PBK: variants seen among roughly 807,000 people sequenced by gnomAD.
The protein encoded by PBK is lymphokine-activated killer T-cell-originated protein kinase.
PBK carries 22 observed loss-of-function variants against 33.5 expected under a neutral mutation model. The ratio of observed to expected loss-of-function variants is 0.66; its 90% confidence interval spans 0.47 to 0.94. The LOEUF (loss-of-function observed/expected upper bound fraction) is 0.94, where lower values mean the gene tolerates loss of function less well. PBK is among the 40% of genes least tolerant of loss of function. The probability of loss-of-function intolerance (pLI) is 0.00; values close to 1 mark genes in which losing one functional copy is unlikely to be tolerated. For synonymous variants in PBK, 129 were observed against 123.8 expected (o/e 1.04, Z -0.28); for missense variants, 376 against 383.4 (o/e 0.98, Z 0.16).
At chr8:27,832,989 T>C (rs2128965912) in intron 2 of PBK, 67 bp downstream of exon 2, 1 of 879,940 alleles carries the variant, frequency 1.1e-6, no homozygotes, top group Non-Finnish European at 1.8e-6. Context: ...TCAAACTAAA[T>C]AATACTAGGA....
chr8:27,835,944 CTGTTCGAGCACATACCAT>C (rs1213759460), intron 1 of PBK, among the ~76,000 whole-genome samples: 1 of 1,432 alleles, frequency 7.0e-4, no homozygotes, highest in African/African-American at 1.6e-3. Flanking sequence ...TAACAGTGCA[CTGTTCGAGCACATACCAT>C]GTGCTCTAAC....
chr8:27,813,683 A>ATTG (rs79174119), intron 6 of PBK, among the ~76,000 whole-genome samples: 23,843 of 152,028 alleles, frequency 0.16, 2,355 homozygotes, highest in East Asian at 0.36. Context: ...AGTGTACAGT[A>ATTG]TTAACAAAGG....
At chr8:27,831,982 T>TA (rs1309601998) in intron 2 of PBK, among the ~76,000 whole-genome samples, 2 of 152,018 alleles carry the variant, frequency 1.3e-5, no homozygotes, top group Non-Finnish European at 2.9e-5. Flanking sequence ...ATATTTCTAT[T>TA]AAAAAAAGAG....
At position 27,810,954 on chromosome 8, in the gene PBK, A is replaced by C. The variant is rs1221870003; in HGVS notation, c.772+4T>G. On this transcript the variant is annotated splice_donor_region_variant and intron_variant, in intron 7 of 7. Transcript: ENST00000301905. The stretch of plus-strand genomic sequence containing the variant: ...GGGATTTATGTTAGAAATTGTATTC[A>C]TACCTTCATCATCATCATCATTTGA... The C allele has an allele frequency of 6.5e-7, 1 of 1,532,608 alleles. No homozygotes were observed. The highest frequency in any genetic ancestry group is 1.7e-5 in the Admixed American group (1 of 59,820). The allele number at this position is 1,532,608 out of a possible 1,614,324, so 94.9% of individuals were successfully genotyped here. A position where few individuals can be genotyped will look rare whatever the true frequency, so the allele number is the denominator to read the frequency against.
chr8:27,811,285 G>T, intron 6 of PBK, 151 bp from the exon 7 acceptor site: 1 of 661,210 alleles, frequency 1.5e-6, no homozygotes, highest in Non-Finnish European at 2.7e-6. Context: ...CCTCAATAAG[G>T]ATTACTTTCT....
Position 27,810,455 on chromosome 8 carries a change from T to A in PBK, c.819A>T (p.Ala273=). 1 of 1,608,040 alleles carries A rather than the reference T, an allele frequency of 6.2e-7. No individual in the cohort carries two copies. The highest frequency in any genetic ancestry group is 8.5e-7 in the Non-Finnish European group (1 of 1,175,290). The change falls in exon 8 of 8, where the codon GCA becomes GCT. Residue 273 remains alanine, a synonymous_variant. Transcript: ENST00000301905. ...TAATAGGTGGCCTAGTTCCCAACGC[T>A]GCATAGTATGCTTCATCATCAAAAT... ...ESDFDDEAYY[A]ALGTRPPINM...
At chr8:27,829,360 T>C (rs1460013489) in intron 2 of PBK, among the ~76,000 whole-genome samples, 1 of 152,140 alleles carries the variant, frequency 6.6e-6, no homozygotes, top group Non-Finnish European at 1.5e-5. Context: ...AGCTAAAGTT[T>C]AGCCCCAGAT....
intron 1 of PBK, among the ~76,000 whole-genome samples, chr8:27,837,380 A>G (rs563840786): frequency 1.3e-5 from 2 of 152,170 alleles, no homozygotes; most frequent in African/African-American, 4.8e-5. Context: ...GTAAAGGAGA[A>G]AAGAGAAACA....
chr8:27,824,503 ATG>A lies in PBK; in HGVS notation c.153-1300_153-1299del, dbSNP rs201563046. ...AAACTACAGATACAAGAGAAAAAAT[ATG>A]TAAGTAAATAAAATCTTTATGCAAT... On this transcript the variant is annotated intron_variant, in intron 3 of 7. Coordinates refer to ENST00000301905, the MANE Select transcript of PBK (RefSeq NM_018492.4). 7.6e-3 allele frequency among the ~76,000 whole-genome samples: 1,154 copies of A among 152,274 alleles called. 13 individuals are homozygous for A. The highest frequency in any genetic ancestry group is 0.026 in the African/African-American group (1,088 of 41,566).
intron 2 of PBK, among the ~76,000 whole-genome samples, chr8:27,832,515 AAAGCTAATAG>A (rs1227746528): frequency 1.3e-5 from 2 of 152,252 alleles, no homozygotes; most frequent in Non-Finnish European, 2.9e-5. Context: ...AATCTATTAA[AAAGCTAATAG>A]AATAAGTGAG....
chr8:27,823,125 T>G lies in PBK; in HGVS notation c.233A>C (p.Tyr78Ser). 1 of 1,574,994 alleles carries G rather than the reference T, an allele frequency of 6.3e-7. No individual in the cohort carries two copies. Among genetic ancestry groups the G allele is most frequent in the South Asian group, 1.1e-5 (1 of 89,752 alleles). The change falls in exon 4 of 8, where the codon TAT becomes TCT. Residue 78 changes from tyrosine (Y) to serine (S), a missense_variant. Physicochemically the swap from Tyr to Ser is moderately radical, Grantham distance 144. Coordinates refer to ENST00000301905, the MANE Select transcript of PBK (RefSeq NM_018492.4). ...AGCTTCATCCATTAGTCTCTTTTGA[T>G]ACACACTTCGATAATGATCATTACA... ...PICNDHYRSV[Y>S]QKRLMDEAKI...
chr8:27,822,796 T>A (rs1805955210), intron 4 of PBK, among the ~76,000 whole-genome samples: 1 of 152,192 alleles, frequency 6.6e-6, no homozygotes, highest in Non-Finnish European at 1.5e-5. Flanking sequence ...TTAAATTATC[T>A]AAATGAAGAT....
At chr8:27,831,010 A>T (rs1415220802) in intron 2 of PBK, among the ~76,000 whole-genome samples, 1 of 152,198 alleles carries the variant, frequency 6.6e-6, no homozygotes, top group African/African-American at 2.4e-5. Context: ...GTATAAATTC[A>T]TCAAAAGAAA....
intron 2 of PBK, among the ~76,000 whole-genome samples, chr8:27,832,164 T>G (rs10112803): frequency 0.13 from 19,842 of 152,122 alleles, 1,542 homozygotes; most frequent in East Asian, 0.34. Context: ...AAGTTCAGTT[T>G]AACACTTGAA....
intron 5 of PBK, among the ~76,000 whole-genome samples, chr8:27,821,667 T>C (rs1363584342): frequency 6.6e-6 from 1 of 152,250 alleles, no homozygotes; most frequent in Non-Finnish European, 1.5e-5. Flanking sequence ...ACATACTTTA[T>C]ATCAGAAGAT....
At position 27,833,093 on chromosome 8, in the gene PBK, G is replaced by A; in HGVS notation, c.21C>T (p.Phe7=). Residue 7 remains phenylalanine (F), a synonymous_variant, in exon 2 of 8, where the codon TTC becomes TTT. Coordinates refer to ENST00000301905, the MANE Select transcript of PBK (RefSeq NM_018492.4). ...TTTCTGATAATTTGCTTGGTGTCTT[G>A]AAATTACTGATCCCTTCCATTGTGA... MEGISN[F]KTPSKLSEKK... is the part of the protein sequence containing the mutation. 6.3e-7 allele frequency: 1 copy of A among 1,598,690 alleles called. No individual in the cohort carries two copies. The highest frequency in any genetic ancestry group is 1.1e-5 in the South Asian group (1 of 88,980).
intron 1 of PBK, among the ~76,000 whole-genome samples, chr8:27,835,118 CA>C (rs1563497420): frequency 6.6e-6 from 1 of 152,088 alleles, no homozygotes. Flanking sequence ...GGGAGGCAGA[CA>C]GATTTGCTTA....
intron 5 of PBK, 60 bp from the exon 6 acceptor site, chr8:27,820,754 A>G (rs1195960090): frequency 1.1e-6 from 1 of 906,986 alleles, no homozygotes; most frequent in African/African-American, 1.7e-5. Context: ...AAAAAATGTG[A>G]TAACCTCCAA....
rs200725164 is a variant in PBK at position 27,823,186 on chromosome 8, G to A, written c.172C>T (p.His58Tyr). ...ATCTTTTTTACAGCCCAAGGAGAAT[G>A]AGACAAACCTCTTGGAGATCTAAGA... ...LMKRSPRGLS[H>Y]SPWAVKKINP... The change falls in exon 4 of 8, where the codon CAT (histidine) becomes TAT (tyrosine). Residue 58 changes from histidine (H) to tyrosine (Y), a missense_variant. Coordinates refer to ENST00000301905, the MANE Select transcript of PBK (RefSeq NM_018492.4). 1 of 1,528,284 alleles carries A rather than the reference G, an allele frequency of 6.5e-7. No homozygotes were observed. Among genetic ancestry groups the A allele is most frequent in the Middle Eastern group, 1.7e-4 (1 of 5,870 alleles). The allele number at this position is 1,528,284 out of a possible 1,614,324, so 94.7% of individuals were successfully genotyped here. A position where few individuals can be genotyped will look rare whatever the true frequency, so the allele number is the denominator to read the frequency against.
Sources: allele counts gnomAD v4.1 joint callset (sites outside exome capture counted in the v4.1 genomes callset), GRCh38; gene constraint gnomAD v4.1.1; transcripts MANE v1.5; gene names NCBI Gene and HGNC (gene_info 2026-07-23, HGNC 2026-07-21).